FMN2: variants seen among roughly 807,000 people sequenced by gnomAD.
FMN2 encodes the protein formin-2.
In FMN2, 51 loss-of-function variants were observed where a neutral mutation model predicts 142.3. The ratio of observed to expected loss-of-function variants is 0.36; its 90% CI spans 0.29 to 0.45. The LOEUF is 0.45. Among genes scored for constraint, FMN2 ranks in the 20% least tolerant of loss-of-function variants. The probability of loss-of-function intolerance (pLI) is 1.00; values close to 1 mark genes in which losing one functional copy is unlikely to be tolerated. For synonymous variants in FMN2, 882 were observed against 869.8 expected (o/e 1.01, Z -0.25); for missense variants, 1,936 against 2,122.8 (o/e 0.91, Z 1.73).
chr1:240,121,735 T>TAAAAAAAA (rs71168898), intron 1 of FMN2, among the ~76,000 whole-genome samples: 862 of 25,684 alleles, frequency 0.034, 137 homozygotes, highest in Admixed American at 0.079. Context: ...AGGGAAATAG[T>TAAAAAAAA]AAAAAAAAAA....
chr1:240,437,029 A>G (rs1675397584), intron 15 of FMN2, among the ~76,000 whole-genome samples: 1 of 152,164 alleles, frequency 6.6e-6, no homozygotes, highest in African/African-American at 2.4e-5. Flanking sequence ...ATTGGTCAGG[A>G]TTCTTCTCAG....
intron 8 of FMN2, among the ~76,000 whole-genome samples, chr1:240,325,718 T>C (rs1440490495): frequency 2.6e-5 from 4 of 152,226 alleles, no homozygotes; most frequent in Admixed American, 2.6e-4. Flanking sequence ...GGCATCCCTT[T>C]TGCAGTCCAT....
Position 240,438,075 on chromosome 1 carries a change from C to G in FMN2, c.4925C>G (p.Thr1642Arg). 6.2e-7 allele frequency: 1 copy of G among 1,613,354 alleles called. No individual in the cohort carries two copies. Among genetic ancestry groups the G allele is most frequent in the Non-Finnish European group, 8.5e-7 (1 of 1,179,772 alleles). ...TETHKCFLET[T>R]AYFFMKPKLG... ...TGATTTGACAGCTTTTTGGAGACCA[C>G]GGCATATTTCTTCATGAAACCAAAA... is the stretch of plus-strand genomic sequence containing the variant. Residue 1642 changes from threonine (T) to arginine (R), a missense_variant, in exon 16 of 18, where the codon ACG (threonine) becomes AGG (arginine). By Grantham distance (71) the Thr-to-Arg change is moderately conservative (BLOSUM62 -1). Around this residue, in one of 8 missense-constraint regions of FMN2, gnomAD observed 322 missense variants for 401.6 expected, o/e 0.80. Coordinates refer to ENST00000319653, the MANE Select transcript of FMN2 (RefSeq NM_020066.5).
chr1:240,314,410 C>CTACTGACCTATT lies in FMN2; in HGVS notation c.4216-14664_4216-14653dup, dbSNP rs535289231. On this transcript the variant is annotated intron_variant, in intron 8 of 17. Transcript: ENST00000319653. Reference sequence around the variant, plus strand: ...TTTCCCTCAGAAATGCTAGGTTCAACTACTGACCTATTTTAAATCACAGGC... The same window carrying CTACTGACCTATT: ...TTTCCCTCAGAAATGCTAGGTTCAACTACTGACCTATTTACTGACCTATTTTAAATCACAGGC... Among the ~76,000 whole-genome samples the CTACTGACCTATT allele has an allele frequency of 2.2e-4, 34 of 152,230 alleles. 1 individual carries two copies. The East Asian group carries it at 5.8e-3, about 26-fold the overall frequency.
intron 15 of FMN2, among the ~76,000 whole-genome samples, chr1:240,411,087 A>G (rs1471211552): frequency 1.3e-5 from 2 of 152,074 alleles, no homozygotes; most frequent in East Asian, 1.9e-4. Flanking sequence ...TTGTATTACA[A>G]TTTTTAGTCA....
rs756242155 is a variant in FMN2, at chr1:240,093,542, G to A, written c.1433G>A (p.Gly478Asp). 9.0e-6 allele frequency: 14 copies of A among 1,547,440 alleles called. No homozygotes were observed. Among genetic ancestry groups the A allele is most frequent in the Middle Eastern group, 1.9e-4 (1 of 5,308 alleles). ...KHRADGGLAAGLSRSADWTEE... is the reference protein window; with the variant it reads ...KHRADGGLAADLSRSADWTEE... ...CGGGCCGACGGCGGCCTTGCGGCCG[G>A]CCTGAGCCGCTCGGCTGACTGGACG... The change falls in exon 1 of 18, where the codon GGC becomes GAC. Residue 478 changes from glycine to aspartate, a missense_variant. Gly to Asp is a moderately conservative substitution (Grantham distance 94). Around this residue, in one of 8 missense-constraint regions of FMN2, gnomAD observed 751 missense variants for 791.8 expected, o/e 0.95. Coordinates refer to ENST00000319653, the MANE Select transcript of FMN2 (RefSeq NM_020066.5).
intron 13 of FMN2, 89 bp downstream of exon 13, chr1:240,334,318 CT>C: frequency 3.6e-6 from 5 of 1,376,620 alleles, no homozygotes; most frequent in Non-Finnish European, 4.8e-6. Context: ...GAAAAGTAAT[CT>C]TTTTTATCTT....
At chr1:240,173,227 C>T (rs917913751) in intron 2 of FMN2, among the ~76,000 whole-genome samples, 7 of 152,278 alleles carry the variant, frequency 4.6e-5, no homozygotes, top group East Asian at 3.9e-4. Flanking sequence ...TGAGCCACCA[C>T]GCCCGGCCTC....
intron 2 of FMN2, among the ~76,000 whole-genome samples, chr1:240,169,307 G>A (rs1352514131): frequency 6.6e-6 from 1 of 152,186 alleles, no homozygotes. Context: ...GTAGTCTTCT[G>A]TGGACTTGGC....
chr1:240,135,631 A>G (rs529043342), intron 2 of FMN2, among the ~76,000 whole-genome samples: 2 of 151,844 alleles, frequency 1.3e-5, no homozygotes, highest in Admixed American at 1.3e-4. Context: ...ATATTTTAAA[A>G]ATTGTTAATT....
intron 14 of FMN2, among the ~76,000 whole-genome samples, chr1:240,389,787 TA>T (rs1673542716): frequency 1.3e-5 from 2 of 152,138 alleles, no homozygotes; most frequent in East Asian, 3.9e-4. Context: ...CCTCCATCTC[TA>T]CAAAAAATAG....
At position 240,455,107 on chromosome 1, in the gene FMN2, G is replaced by C. The variant is rs1218320044; in HGVS notation, c.5060+16897G>C. Among the ~76,000 whole-genome samples the C allele has an allele frequency of 2.6e-5, 4 of 151,862 alleles. No individual in the cohort carries two copies. The South Asian group carries it at 8.3e-4, about 32-fold the overall frequency. On this transcript the variant is annotated intron_variant, in intron 16 of 17. Coordinates refer to ENST00000319653, the MANE Select transcript of FMN2 (RefSeq NM_020066.5). ...GATTACAATCCACTAGTGTGTCCCA[G>C]ACATTCAAATGAGAACCAGGGACTC...
intron 6 of FMN2, among the ~76,000 whole-genome samples, chr1:240,212,975 T>TTTG (rs1666752334): frequency 6.6e-6 from 1 of 152,206 alleles, no homozygotes; most frequent in South Asian, 2.1e-4. Flanking sequence ...TTGTTTGTTT[T>TTTG]TTTGGCTAAG....
chr1:240,427,717 T>A (rs1248497551), intron 15 of FMN2, among the ~76,000 whole-genome samples: 1 of 152,202 alleles, frequency 6.6e-6, no homozygotes, highest in Non-Finnish European at 1.5e-5. Flanking sequence ...AGTGTTGTAG[T>A]TTCACACGAT....
intron 1 of FMN2, among the ~76,000 whole-genome samples, chr1:240,109,084 A>G (rs1038533967): frequency 7.2e-5 from 11 of 152,186 alleles, no homozygotes; most frequent in African/African-American, 2.7e-4. Context: ...CAAGGAAAAA[A>G]TATCAGTGAC....
intron 13 of FMN2, chr1:240,341,331 A>T (rs1671734743): frequency 1.3e-5 from 2 of 152,156 alleles, no homozygotes; most frequent in African/African-American, 4.8e-5. Flanking sequence ...CCACTCAGTG[A>T]TTTTATAAGT....
rs112708781 is a variant in FMN2, at chr1:240,230,843, A to G, written c.4065+19608A>G. ...CTTTTTTCTAGTGCCAACAAAAGAA[A>G]CTAGCATGTTCTTCATGCTAGAAGC... is the stretch of plus-strand genomic sequence containing the variant. On this transcript the variant is annotated intron_variant, in intron 6 of 17. Transcript: ENST00000319653. Among the ~76,000 whole-genome samples, 605 of 131,918 alleles carry G rather than the reference A, an allele frequency of 4.6e-3. 168 individuals carry two copies. The highest frequency in any genetic ancestry group is 0.018 in the African/African-American group (566 of 30,876). 86.5% of individuals were successfully genotyped at this position (131,918 alleles called of 152,430 possible).
intron 8 of FMN2, among the ~76,000 whole-genome samples, chr1:240,323,319 C>T (rs1558432911): frequency 1.3e-5 from 2 of 151,984 alleles, no homozygotes; most frequent in African/African-American, 2.4e-5. Context: ...CTCAGACTCC[C>T]GAGTAGCTGG....
At position 240,207,119 on chromosome 1, in the gene FMN2, C is replaced by A. The variant is rs769895830; in HGVS notation, c.2307C>A (p.Cys769Ter). 1.2e-6 allele frequency: 2 copies of A among 1,614,034 alleles called. No homozygotes were observed. The highest frequency in any genetic ancestry group is 1.3e-5 in the African/African-American group (1 of 75,010). ...ATGGGCTGCCAGGGCGTCCTCCATG[C>A]CCCCCTGGGGCTGAAAGTGGACCTC... ...PVDGLPGRPPCPPGAESGPQT... is the reference protein window; with the variant it reads ...PVDGLPGRPP Residue 769 changes from cysteine (C) to a stop codon, truncating the protein, a stop_gained, in exon 5 of 18, where the codon TGC becomes TGA. Coordinates refer to ENST00000319653, the MANE Select transcript of FMN2 (RefSeq NM_020066.5). LOFTEE classifies it high-confidence loss of function.
Sources: allele counts gnomAD v4.1 joint callset (sites outside exome capture counted in the v4.1 genomes callset), GRCh38; gene constraint gnomAD v4.1.1; regional missense constraint gnomAD v4.1.1; transcripts MANE v1.5; gene names NCBI Gene and HGNC (gene_info 2026-07-23, HGNC 2026-07-21).